The following ATAD2B variants were observed in gnomAD, a reference collection of about 807,000 sequenced individuals.
ATAD2B encodes ATPase family AAA domain-containing protein 2B.
ATAD2B carries 40 observed loss-of-function variants against 167.6 expected under a neutral mutation model. That is an observed-to-expected ratio of 0.24 (90% CI 0.19 to 0.31). ATAD2B has a LOEUF of 0.31. Among genes scored for constraint, ATAD2B ranks in the 10% least tolerant of loss-of-function variants. ATAD2B has a pLI of 1.00. For synonymous variants in ATAD2B, 579 were observed against 596.5 expected (o/e 0.97, Z 0.43); for missense variants, 1,242 against 1,757.2 (o/e 0.71, Z 5.24).
intron 4 of ATAD2B, among the ~76,000 whole-genome samples, chr2:23,887,512 C>A (rs1335056108): frequency 6.6e-6 from 1 of 152,100 alleles, no homozygotes; most frequent in Non-Finnish European, 1.5e-5. Flanking sequence ...TGTCAAATAG[C>A]GATTGTACTG....
the ATAD2B span, among the ~76,000 whole-genome samples, chr2:23,743,562 CAA>C: frequency 5.3e-4 from 44 of 83,136 alleles, no homozygotes; most frequent in Middle Eastern, 5.6e-3. Flanking sequence ...AAATCCGACT[CAA>C]AAAAAAAAAA....
the ATAD2B span, among the ~76,000 whole-genome samples, chr2:23,680,927 A>G: frequency 1.3e-5 from 2 of 152,188 alleles, no homozygotes; most frequent in African/African-American, 2.4e-5. The surrounding 1 kb of genome is among the most constrained non-coding windows in gnomAD (Gnocchi z 4.1). Context: ...CAAATCTCCC[A>G]CACCTGAGAA....
rs1446633135 is a variant in ATAD2B, at chr2:23,926,945, G to T, written c.-175C>A. 1.3e-5 allele frequency: 9 copies of T among 711,342 alleles called. No homozygotes were observed. Among genetic ancestry groups the T allele is most frequent in the Non-Finnish European group, 1.9e-5 (9 of 468,072 alleles). The allele number at this position is 711,342 out of a possible 1,614,324, so 44.1% of individuals were successfully genotyped here. A position where few individuals can be genotyped will look rare whatever the true frequency, so the allele number is the denominator to read the frequency against. On this transcript the variant is annotated 5_prime_UTR_variant, in exon 1 of 28. Transcript: ENST00000238789. ...AGAGCCGGGCAGAGGAAGGGAAGTC[G>T]GCGTGAGCAGGCGGCGTGCGGGAAG...
At chr2:23,697,426 C>T in the ATAD2B span, 7,119 of 152,388 alleles carry the variant, frequency 0.047, 230 homozygotes, top group Middle Eastern at 0.074. Context: ...AAGCACAACC[C>T]AGGGGAGACA....
At chr2:23,802,889 A>G (rs2551342) in intron 18 of ATAD2B, among the ~76,000 whole-genome samples, 5,893 of 152,150 alleles carry the variant, frequency 0.039, 110 homozygotes, top group South Asian at 0.046. Flanking sequence ...ATGCATTTAA[A>G]TTTTCACCAA....
intron 22 of ATAD2B, among the ~76,000 whole-genome samples, chr2:23,766,185 G>A (rs1677388699): frequency 6.6e-6 from 1 of 152,110 alleles, no homozygotes; most frequent in South Asian, 2.1e-4. Context: ...GGTAGATCCA[G>A]GAGAGAAGCA....
downstream of ATAD2B, among the ~76,000 whole-genome samples, chr2:23,746,389 G>A (rs1034738014): frequency 1.3e-5 from 2 of 152,162 alleles, no homozygotes; most frequent in Non-Finnish European, 2.9e-5. Context: ...AAAAGAATTT[G>A]CATTTGTGTC....
At chr2:23,782,622 A>G (rs1680234717) in intron 22 of ATAD2B, among the ~76,000 whole-genome samples, 1 of 152,250 alleles carries the variant, frequency 6.6e-6, no homozygotes, top group Admixed American at 6.5e-5. Flanking sequence ...TTCTCAAATT[A>G]CAATGTAAAT....
chr2:23,875,961 A>G, intron 7 of ATAD2B, 57 bp from the exon 8 acceptor site: 1 of 1,262,438 alleles, frequency 7.9e-7, no homozygotes, highest in Non-Finnish European at 1.1e-6. Flanking sequence ...AAATTAATGT[A>G]TTAAAGGAGT....
At chr2:23,845,570 A>ATTTTTTTT (rs71402518) in intron 13 of ATAD2B, among the ~76,000 whole-genome samples, 3 of 87,646 alleles carry the variant, frequency 3.4e-5, no homozygotes, top group Admixed American at 1.3e-4. Context: ...GCATGCTGGA[A>ATTTTTTTT]TTTTTTTTTT....
the ATAD2B span, among the ~76,000 whole-genome samples, chr2:23,733,150 T>C: frequency 6.6e-6 from 1 of 152,228 alleles, no homozygotes; most frequent in Admixed American, 6.5e-5. Flanking sequence ...TTTTTCACTT[T>C]TATCAAAATC....
intron 12 of ATAD2B, among the ~76,000 whole-genome samples, chr2:23,861,880 G>T (rs189447776): frequency 6.6e-6 from 1 of 152,096 alleles, no homozygotes; most frequent in Non-Finnish European, 1.5e-5. Context: ...TCTAAATCTA[G>T]CAGTTTTTGA....
chr2:23,903,266 A>AAATAAATAAATAAATG (rs1326369463), intron 1 of ATAD2B, among the ~76,000 whole-genome samples: 2 of 151,776 alleles, frequency 1.3e-5, no homozygotes, highest in Middle Eastern at 3.2e-3. Flanking sequence ...ATAAATAAAT[A>AAATAAATAAATAAATG]AATGTTGTTT....
At chr2:23,852,754 A>G (rs1476074684) in intron 13 of ATAD2B, among the ~76,000 whole-genome samples, 4 of 152,076 alleles carry the variant, frequency 2.6e-5, no homozygotes, top group Admixed American at 6.6e-5. Flanking sequence ...CCCTGTCTCT[A>G]CTAAAAACAC....
the ATAD2B span, among the ~76,000 whole-genome samples, chr2:23,711,851 C>T: frequency 6.6e-6 from 1 of 152,214 alleles, no homozygotes; most frequent in Non-Finnish European, 1.5e-5. Flanking sequence ...GATCCCTGTA[C>T]ATGTCTCCTC....
intron 15 of ATAD2B, among the ~76,000 whole-genome samples, chr2:23,824,750 C>A (rs1687984176): frequency 6.6e-6 from 1 of 152,120 alleles, no homozygotes; most frequent in South Asian, 2.1e-4. Flanking sequence ...GTAACAAATA[C>A]ATACAAAAAC....
In ATAD2B at chr2:23,804,876, A is replaced by T. The variant is rs7609086; in HGVS notation, c.2454+5440T>A. Among the ~76,000 whole-genome samples, 609 of 152,228 alleles carry T rather than the reference A, an allele frequency of 4.0e-3. 8 individuals are homozygous for T. The highest frequency in any genetic ancestry group is 0.012 in the African/African-American group (517 of 41,544). On this transcript the variant is annotated intron_variant, in intron 18 of 27. Coordinates refer to ENST00000238789, the MANE Select transcript of ATAD2B (RefSeq NM_017552.4). ...TTCTCTTGGCTGGGCACAGTGGCTCATGACTAGATTACAACCAGCACTTTG... is the reference window on the plus strand; with the variant it reads ...TTCTCTTGGCTGGGCACAGTGGCTCTTGACTAGATTACAACCAGCACTTTG...
rs1212295132 is a variant in ATAD2B, at chr2:23,758,114, G to A, written c.3395-13C>T. The A allele has an allele frequency of 2.0e-6, 3 of 1,525,116 alleles. No individual in the cohort carries two copies. Among genetic ancestry groups the A allele is most frequent in the Non-Finnish European group, 1.7e-6 (2 of 1,146,798 alleles). 94.5% of individuals were successfully genotyped at this position (1,525,116 alleles called of 1,614,324 possible). A position where few individuals can be genotyped will look rare whatever the true frequency, so the allele number is the denominator to read the frequency against. On this transcript the variant is annotated splice_polypyrimidine_tract_variant and intron_variant, in intron 24 of 27. Transcript: ENST00000238789. Reference sequence around the variant, plus strand: ...CTCCGAACCCGAACTGTTTTACAAGGAAGGAAAAAAGATATGTAGAACTTG... The same window carrying A: ...CTCCGAACCCGAACTGTTTTACAAGAAAGGAAAAAAGATATGTAGAACTTG...
At chr2:23,711,789 TAAAA>T in the ATAD2B span, among the ~76,000 whole-genome samples, 1 of 152,124 alleles carries the variant, frequency 6.6e-6, no homozygotes, top group African/African-American at 2.4e-5. Flanking sequence ...CAATTACAAA[TAAAA>T]AATATGCTGC....
Sources: gnomAD v4.1 joint callset for allele counts (sites outside exome capture counted in the v4.1 genomes callset) on GRCh38, gnomAD v4.1.1 for gene constraint, Gnocchi (gnomAD v3.1) non-coding constraint, MANE v1.5 for transcripts, NCBI Gene and HGNC (gene_info 2026-07-23, HGNC 2026-07-21) for gene names.